The following NUP153 variants were observed in gnomAD, a reference collection of about 807,000 sequenced individuals.
NUP153 encodes nucleoporin 153.
Under a neutral mutation model 134.6 loss-of-function variants are expected in NUP153, and 27 were observed. That is an observed-to-expected ratio of 0.20 (90% CI 0.15 to 0.28). The LOEUF (loss-of-function observed/expected upper bound fraction) is 0.28, where lower values mean the gene tolerates loss of function less well. Ranked by LOEUF, NUP153 falls within the 10% of genes least tolerant of loss-of-function variation. The pLI, the probability that NUP153 is intolerant of heterozygous loss-of-function variation, is 1.00. For missense variants in NUP153, 1,821 were observed against 1,731.3 expected (o/e 1.05, Z -0.92); for synonymous variants, 640 against 623.5 (o/e 1.03, Z -0.40).
intron 1 of NUP153, 49 bp from the exon 2 acceptor site, chr6:17,688,667 TA>T: frequency 6.9e-7 from 1 of 1,443,022 alleles, no homozygotes; most frequent in South Asian, 1.2e-5. Flanking sequence ...TTTATCTTTT[TA>T]AAATAAGTAC....
At chr6:17,672,720 T>C (rs1767992399) in intron 5 of NUP153, among the ~76,000 whole-genome samples, 1 of 152,160 alleles carries the variant, frequency 6.6e-6, no homozygotes, top group Non-Finnish European at 1.5e-5. Flanking sequence ...CAGGCACACC[T>C]GTAATCTCAG....
intron 1 of NUP153, among the ~76,000 whole-genome samples, chr6:17,697,688 A>T (rs540710281): frequency 1.3e-5 from 2 of 151,982 alleles, no homozygotes; most frequent in Admixed American, 6.6e-5. Context: ...ACTCCATCTC[A>T]AAAAAAAGGA....
chr6:17,663,258 C>CATAT (rs1203381644), intron 9 of NUP153, among the ~76,000 whole-genome samples: 66 of 129,646 alleles, frequency 5.1e-4, no homozygotes, highest in East Asian at 8.9e-4. Context: ...CACACACACA[C>CATAT]ACATATATAT....
At chr6:17,678,843 G>A (rs764806617) in intron 2 of NUP153, among the ~76,000 whole-genome samples, 1 of 151,888 alleles carries the variant, frequency 6.6e-6, no homozygotes, top group Non-Finnish European at 1.5e-5. Flanking sequence ...TACTCAAGGA[G>A]GCTGAGGTGG....
At chr6:17,645,317 T>C (rs180974788) in intron 14 of NUP153, among the ~76,000 whole-genome samples, 6 of 151,926 alleles carry the variant, frequency 3.9e-5, no homozygotes, top group Admixed American at 3.9e-4. Flanking sequence ...TTTTTTGAGA[T>C]AGGGTCTTGC....
chr6:17,633,472 G>T (rs55840325), intron 16 of NUP153, among the ~76,000 whole-genome samples: 2,100 of 152,228 alleles, frequency 0.014, 14 homozygotes, highest in East Asian at 0.022. Flanking sequence ...AATATACTTG[G>T]GTTCTGGGGA....
intron 14 of NUP153, among the ~76,000 whole-genome samples, chr6:17,640,738 T>C (rs1363714183): frequency 6.6e-6 from 1 of 151,850 alleles, no homozygotes; most frequent in Non-Finnish European, 1.5e-5. Context: ...CACCTTAGCC[T>C]CTCAAGTAGC....
Position 17,668,332 on chromosome 6 carries a change from G to A in NUP153, c.1068+643C>T, listed in dbSNP as rs560466392. Among the ~76,000 whole-genome samples the A allele has an allele frequency of 4.0e-5, 6 of 151,718 alleles. No individual in the cohort carries two copies. In the South Asian group the frequency reaches 1.0e-3, roughly 26 times the overall value. On this transcript the variant is annotated intron_variant, in intron 8 of 21. Coordinates refer to ENST00000262077, the MANE Select transcript of NUP153 (RefSeq NM_005124.4). The stretch of plus-strand genomic sequence containing the variant: ...TGACCTCAAGTGATCCACTGGCCTG[G>A]GCCTCCCAAAGTGCTAGGATTACAG...
intron 9 of NUP153, among the ~76,000 whole-genome samples, chr6:17,664,520 G>A (rs1424588478): frequency 6.6e-6 from 1 of 152,002 alleles, no homozygotes; most frequent in Non-Finnish European, 1.5e-5. Context: ...AATATGGACT[G>A]GATATTAGAT....
intron 5 of NUP153, among the ~76,000 whole-genome samples, chr6:17,670,800 C>T (rs1312232785): frequency 6.6e-6 from 1 of 151,624 alleles, no homozygotes; most frequent in Admixed American, 6.6e-5. Context: ...ATGGTAAATC[C>T]CATTAATTTT....
intron 11 of NUP153, among the ~76,000 whole-genome samples, chr6:17,660,662 C>T (rs570717943): frequency 3.3e-5 from 5 of 151,820 alleles, no homozygotes; most frequent in African/African-American, 9.7e-5. Context: ...CTCAAATGTC[C>T]AAAAAACACA....
intron 20 of NUP153, among the ~76,000 whole-genome samples, chr6:17,620,009 A>C (rs1209344515): frequency 6.7e-6 from 1 of 148,708 alleles, no homozygotes; most frequent in African/African-American, 2.5e-5. Context: ...GAGGCAGGAG[A>C]ATTGCTGGAA....
Position 17,669,413 on chromosome 6 carries a change from T to C in NUP153, c.969+17A>G. 1 of 1,605,822 alleles carries C rather than the reference T, an allele frequency of 6.2e-7. No individual in the cohort carries two copies. The highest frequency in any genetic ancestry group is 1.3e-5 in the African/African-American group (1 of 74,910). On this transcript the variant is annotated intron_variant, in intron 6 of 21. Coordinates refer to ENST00000262077, the MANE Select transcript of NUP153 (RefSeq NM_005124.4). ...TTTTGTTACACTCCTGTATTAATCGTGATTTTAAAAATTTACCGCTAAAGG... is the reference window on the plus strand; with the variant it reads ...TTTTGTTACACTCCTGTATTAATCGCGATTTTAAAAATTTACCGCTAAAGG...
intron 11 of NUP153, among the ~76,000 whole-genome samples, chr6:17,652,318 G>A (rs149107201): frequency 4.5e-4 from 68 of 152,086 alleles, no homozygotes; most frequent in African/African-American, 1.5e-3. Context: ...TCAAAACACT[G>A]AAGTCATAAT....
intron 13 of NUP153, among the ~76,000 whole-genome samples, chr6:17,647,260 T>A (rs1222341548): frequency 6.6e-6 from 1 of 152,242 alleles, no homozygotes; most frequent in Non-Finnish European, 1.5e-5. Flanking sequence ...GTGTTATTCT[T>A]ACCCCAAACA....
rs775108897 is a variant in NUP153 at position 17,649,254 on chromosome 6, C to T, written c.1442G>A (p.Ser481Asn). 1.9e-5 allele frequency: 31 copies of T among 1,613,694 alleles called. No homozygotes were observed. In the South Asian group the frequency reaches 3.2e-4, roughly 17 times the overall value. ...VLPKISLPITSSSLPTFNFSS... is the reference protein window; with the variant it reads ...VLPKISLPITNSSLPTFNFSS... ...AAAATTAAAGGTAGGCAGTGAAGAA[C>T]TGGTGATCGGTAGAGAGATTTTCGG... Residue 481 changes from serine (S) to asparagine (N), a missense_variant, in exon 12 of 22, where the codon AGT becomes AAT. Physicochemically the swap from Ser to Asn is conservative, Grantham distance 46. Coordinates refer to ENST00000262077, the MANE Select transcript of NUP153 (RefSeq NM_005124.4).
At chr6:17,643,137 A>G (rs1765941621) in intron 14 of NUP153, among the ~76,000 whole-genome samples, 1 of 152,208 alleles carries the variant, frequency 6.6e-6, no homozygotes, top group Non-Finnish European at 1.5e-5. Flanking sequence ...CCACTGAATT[A>G]TTCCCTTTAA....
intron 17 of NUP153, 110 bp from the exon 18 acceptor site, chr6:17,629,649 T>C: frequency 1.1e-6 from 1 of 904,850 alleles, no homozygotes; most frequent in Non-Finnish European, 1.6e-6. Context: ...TGAAAGGGCC[T>C]ACTTTGAAGA....
At chr6:17,641,203 G>A (rs990657475) in intron 14 of NUP153, among the ~76,000 whole-genome samples, 2 of 152,100 alleles carry the variant, frequency 1.3e-5, no homozygotes, top group African/African-American at 4.8e-5. Flanking sequence ...GTTTCTGTGT[G>A]GGATGGGGAG....
Sources: allele counts gnomAD v4.1 joint callset (sites outside exome capture counted in the v4.1 genomes callset), GRCh38; gene constraint gnomAD v4.1.1; transcripts MANE v1.5; gene names NCBI Gene and HGNC (gene_info 2026-07-23, HGNC 2026-07-21).